C11orf65: variants seen among roughly 807,000 people sequenced by gnomAD.
The protein encoded by C11orf65 is chromosome 11 open reading frame 65, also known as protein MFI.
A neutral mutation model predicts 35.3 loss-of-function variants in C11orf65; 38 were observed. The observed-to-expected ratio is 1.08, with a 90% confidence interval of 0.83 to 1.41. The LOEUF is 1.41. C11orf65 is among the 40% of genes most tolerant of loss of function. The pLI is 0.00. For synonymous variants in C11orf65, 105 were observed against 114.4 expected, an observed-to-expected ratio of 0.92 and a Z score of 0.53; for missense variants, 370 against 367.1, an observed-to-expected ratio of 1.01 and a Z score of -0.06.
chr11:108,407,056 G>C, intron 4 of C11orf65, 40 bp downstream of exon 4: 1 of 1,578,482 alleles, frequency 6.3e-7, no homozygotes, highest in Non-Finnish European at 8.7e-7. Flanking sequence ...TCATAAAAAT[G>C]TGCTTTATAA....
intron 2 of C11orf65, among the ~76,000 whole-genome samples, chr11:108,348,427 A>G (rs1412749054): frequency 6.6e-6 from 1 of 151,238 alleles, no homozygotes; most frequent in East Asian, 1.9e-4. Flanking sequence ...ACAGTTTAAT[A>G]TATAAGAAAG....
downstream of C11orf65, chr11:108,331,202 T>C: frequency 8.3e-7 from 1 of 1,204,808 alleles, no homozygotes; most frequent in East Asian, 4.5e-5. Context: ...CCAAGTATTC[T>C]AGTTCTGAAT....
chr11:108,424,313 A>G (rs1312566379), intron 3 of C11orf65, among the ~76,000 whole-genome samples: 2 of 152,180 alleles, frequency 1.3e-5, no homozygotes, highest in Non-Finnish European at 2.9e-5. Context: ...TCAGAGATTG[A>G]AGATCAACTT....
chr11:108,401,957 G>A (rs1190730009), intron 6 of C11orf65, among the ~76,000 whole-genome samples: 4 of 152,112 alleles, frequency 2.6e-5, no homozygotes, highest in Non-Finnish European at 4.4e-5. Context: ...CAGTAAGTTC[G>A]GCCCAGCCAA....
At chr11:108,373,159 A>G (rs977150900) in intron 2 of C11orf65, among the ~76,000 whole-genome samples, 1 of 152,238 alleles carries the variant, frequency 6.6e-6, no homozygotes, top group African/African-American at 2.4e-5. Context: ...ACAAAATATT[A>G]GCAAATCAAT....
intron 6 of C11orf65, among the ~76,000 whole-genome samples, chr11:108,396,407 T>C (rs1336228109): frequency 6.6e-6 from 1 of 152,180 alleles, no homozygotes; most frequent in Non-Finnish European, 1.5e-5. Flanking sequence ...ATTTTTCTTT[T>C]TTCAACAGTG....
chr11:108,377,807 A>G (rs1469968523), downstream of C11orf65, among the ~76,000 whole-genome samples: 3 of 152,040 alleles, frequency 2.0e-5, no homozygotes, highest in African/African-American at 7.2e-5. Flanking sequence ...ATCAATGTAC[A>G]AAAATCAGAA....
intron 3 of C11orf65, among the ~76,000 whole-genome samples, chr11:108,409,268 T>C (rs557793055): frequency 2.1e-4 from 32 of 152,274 alleles, no homozygotes; most frequent in African/African-American, 7.7e-4. Flanking sequence ...ATGTCTCTAG[T>C]TTTGGGTTAA....
intron 6 of C11orf65, among the ~76,000 whole-genome samples, chr11:108,394,903 G>A (rs2092267517): frequency 6.6e-6 from 1 of 152,126 alleles, no homozygotes; most frequent in Non-Finnish European, 1.5e-5. Flanking sequence ...GGGTAAGGCA[G>A]GAGGATCACT....
intron 3 of C11orf65, among the ~76,000 whole-genome samples, chr11:108,428,621 T>C (rs1465136635): frequency 6.6e-6 from 1 of 151,968 alleles, no homozygotes; most frequent in Non-Finnish European, 1.5e-5. Context: ...TGAGAACACA[T>C]GGACACAGGG....
chr11:108,396,839 A>AAATAAATG (rs2092319983), intron 6 of C11orf65, among the ~76,000 whole-genome samples: 1 of 95,534 alleles, frequency 1.0e-5, no homozygotes. Flanking sequence ...GTCTTAAAAT[A>AAATAAATG]AATAAATAAA....
At chr11:108,374,499 T>C (rs953589870) in intron 2 of C11orf65, among the ~76,000 whole-genome samples, 1 of 151,870 alleles carries the variant, frequency 6.6e-6, no homozygotes, top group Non-Finnish European at 1.5e-5. Context: ...ATCACCATCA[T>C]CAAAGACCAA....
Position 108,335,800 on chromosome 11 carries a change from A to C in C11orf65, c.227-508T>G, listed in dbSNP as rs573519307. 2.0e-6 allele frequency: 3 copies of C among 1,498,220 alleles called. No individual in the cohort carries two copies. In the Admixed American group the frequency reaches 5.1e-5, roughly 25 times the overall value. 92.8% of individuals were successfully genotyped at this position (1,498,220 alleles called of 1,614,324 possible). A position where few individuals can be genotyped will look rare whatever the true frequency, so the allele number is the denominator to read the frequency against. On this transcript the variant is annotated intron_variant, in intron 2 of 3. Coordinates refer to the C11orf65 transcript ENST00000524755. ...TCTCAGATGACTCTGTGTTTTTATA[A>C]TAAAATAAACTGTACTTGTTTATTC...
chr11:108,402,141 G>C (rs1392394297), intron 6 of C11orf65, among the ~76,000 whole-genome samples: 1 of 152,162 alleles, frequency 6.6e-6, no homozygotes, highest in Non-Finnish European at 1.5e-5. Context: ...TGAGCTAAAG[G>C]CAATGAGAAA....
chr11:108,329,005 TTG>T (rs2085971654), downstream of C11orf65: 5 of 1,602,934 alleles, frequency 3.1e-6, no homozygotes, highest in African/African-American at 1.3e-5. Flanking sequence ...TTTAAATTGG[TTG>T]TGTTTTCTTG....
At position 108,449,395 on chromosome 11, in the gene C11orf65, G is replaced by A. The variant is rs368543099; in HGVS notation, c.81+12084C>T. Among the ~76,000 whole-genome samples, 4 of 151,878 alleles carry A rather than the reference G, an allele frequency of 2.6e-5. No homozygotes were observed. The East Asian group carries it at 5.8e-4, about 22-fold the overall frequency. ...ACCTGACTTCAAACTATACTACAAGGCTACAGTAACCAAAACAGCATGGTA... is the reference window on the plus strand; with the variant it reads ...ACCTGACTTCAAACTATACTACAAGACTACAGTAACCAAAACAGCATGGTA... On this transcript the variant is annotated intron_variant, in intron 2 of 8. Coordinates refer to ENST00000393084, the MANE Select transcript of C11orf65 (RefSeq NM_152587.5).
At chr11:108,447,398 A>T (rs2093279253) in intron 2 of C11orf65, among the ~76,000 whole-genome samples, 1 of 152,288 alleles carries the variant, frequency 6.6e-6, no homozygotes, top group Admixed American at 6.5e-5. Flanking sequence ...AGCTCTCCTC[A>T]GCAAATGTAA....
chr11:108,395,132 TA>T (rs373893121), intron 6 of C11orf65, among the ~76,000 whole-genome samples: 15,988 of 141,810 alleles, frequency 0.11, 1,142 homozygotes, highest in Non-Finnish European at 0.15. Context: ...CCTTAACTCT[TA>T]AAAAAAAAAA....
chr11:108,374,202 C>A (rs543816039), intron 2 of C11orf65, among the ~76,000 whole-genome samples: 1 of 47,934 alleles, frequency 2.1e-5, no homozygotes, highest in African/African-American at 3.7e-5. Context: ...GGTCCCTGAC[C>A]CCTGACCCCT....
Sources: allele counts gnomAD v4.1 joint callset (sites outside exome capture counted in the v4.1 genomes callset), GRCh38; gene constraint gnomAD v4.1.1; transcripts MANE v1.5; gene names NCBI Gene and HGNC (gene_info 2026-07-23, HGNC 2026-07-21).